The following CELF2 variants were observed in gnomAD, a reference collection of about 807,000 sequenced individuals.
The protein encoded by CELF2 is CUGBP Elav-like family member 2.
A neutral mutation model predicts 62.6 loss-of-function variants in CELF2; 8 were observed. The ratio of observed to expected loss-of-function variants is 0.13; its 90% CI spans 0.07 to 0.23. The LOEUF is 0.23. CELF2 is among the 10% of genes least tolerant of loss of function. The pLI is 1.00. For missense variants in CELF2, 333 were observed against 671.0 expected, an observed-to-expected ratio of 0.50 and a Z score of 5.56; for synonymous variants, 258 against 250.0, an observed-to-expected ratio of 1.03 and a Z score of -0.30.
intron 1 of CELF2, among the ~76,000 whole-genome samples, chr10:10,870,580 T>C (rs1308193155): frequency 6.6e-6 from 1 of 152,208 alleles, no homozygotes; most frequent in African/African-American, 2.4e-5. Flanking sequence ...CTTCTGATTC[T>C]CAACATGAAG....
At chr10:10,831,748 G>T (rs980576497) in intron 1 of CELF2, among the ~76,000 whole-genome samples, 4 of 152,206 alleles carry the variant, frequency 2.6e-5, no homozygotes, top group African/African-American at 7.2e-5. Flanking sequence ...AAGATGGCTG[G>T]ATCACTTGAG....
intron 1 of CELF2, among the ~76,000 whole-genome samples, chr10:11,144,930 C>T (rs918148823): frequency 2.0e-5 from 3 of 150,406 alleles, no homozygotes; most frequent in Non-Finnish European, 4.4e-5. Flanking sequence ...AAAAGGCACC[C>T]CTCGCCAAGC....
Position 11,333,226 on chromosome 10 carries a change from T to TC in CELF2, c.*4173_*4174insC, listed in dbSNP as rs2096062132. On this transcript the variant is annotated 3_prime_UTR_variant, in exon 13 of 13. Coordinates refer to ENST00000633077, the MANE Select transcript of CELF2 (RefSeq NM_001326342.2). ...GAGGACATGAGGGGGAAAGTCCTTT[T>TC]TGCCCTTCTCCAAAAAATAACCTTC... The TC allele has an allele frequency of 6.6e-6, 1 of 151,126 alleles. No homozygotes were observed. 9.4% of individuals were successfully genotyped at this position (151,126 alleles called of 1,614,324 possible). A position where few individuals can be genotyped will look rare whatever the true frequency, so the allele number is the denominator to read the frequency against.
the CELF2 span, among the ~76,000 whole-genome samples, chr10:10,693,889 C>G: frequency 0.012 from 1,739 of 149,720 alleles, 16 homozygotes; most frequent in African/African-American, 0.025. Context: ...GCGTCTATTT[C>G]ATTCTTCTCT....
chr10:11,132,736 A>G (rs959219410), intron 1 of CELF2, among the ~76,000 whole-genome samples: 1 of 152,218 alleles, frequency 6.6e-6, no homozygotes, highest in Non-Finnish European at 1.5e-5. Flanking sequence ...AAAAAGTGAC[A>G]CAGTGTTACA....
the CELF2 span, among the ~76,000 whole-genome samples, chr10:10,662,559 G>A: frequency 6.6e-6 from 1 of 152,188 alleles, no homozygotes; most frequent in African/African-American, 2.4e-5. Flanking sequence ...GTAGGCAGAT[G>A]AGGAAGCACG....
intron 1 of CELF2, among the ~76,000 whole-genome samples, chr10:10,831,544 A>G (rs1240969089): frequency 3.3e-5 from 5 of 152,232 alleles, no homozygotes; most frequent in Non-Finnish European, 4.4e-5. Context: ...TGAGACAGCC[A>G]TCATTCCACT....
chr10:11,326,194 C>T (rs78932002), intron 12 of CELF2, among the ~76,000 whole-genome samples: 2 of 152,236 alleles, frequency 1.3e-5, no homozygotes, highest in Non-Finnish European at 2.9e-5. Context: ...TTCTATACTA[C>T]ACTATTAAGG....
At position 11,246,110 on chromosome 10, in the gene CELF2, G is replaced by A. The variant is rs561148725; in HGVS notation, c.355-3043G>A. The stretch of plus-strand genomic sequence containing the variant: ...CGAATTTCCACCTGCCATCATCCAC[G>A]CATTTCACAGATGCATCTGAATGCT... On this transcript the variant is annotated intron_variant, in intron 3 of 12. Transcript: ENST00000633077. This position sits in a 1 kb window ranked among gnomAD's most constrained non-coding sequence, Gnocchi z 4.6. 5.3e-5 allele frequency among the ~76,000 whole-genome samples: 8 copies of A among 152,020 alleles called. No individual in the cohort carries two copies. Among genetic ancestry groups the A allele is most frequent in the East Asian group, 1.9e-4 (1 of 5,180 alleles).
rs1005028154 is a variant in CELF2 at position 11,224,617 on chromosome 10, T to G, written c.354+7110T>G. On this transcript the variant is annotated intron_variant, in intron 3 of 12. Transcript: ENST00000633077. This position sits in a 1 kb window ranked among gnomAD's most constrained non-coding sequence, Gnocchi z 4.5. ...TAATCAAATGATGAAAGGAGAAGTT[T>G]GATATACACCTAGAAAATTGTCCAA... Among the ~76,000 whole-genome samples the G allele has an allele frequency of 6.6e-6, 1 of 152,168 alleles. No individual in the cohort carries two copies. Among genetic ancestry groups the G allele is most frequent in the Non-Finnish European group, 1.5e-5 (1 of 68,028 alleles).
chr10:11,289,904 A>G (rs551695256), intron 9 of CELF2, among the ~76,000 whole-genome samples: 1 of 152,346 alleles, frequency 6.6e-6, no homozygotes, highest in East Asian at 1.9e-4. Flanking sequence ...CATGAAAATT[A>G]GACCCTCCCA....
At chr10:10,693,954 A>T in the CELF2 span, among the ~76,000 whole-genome samples, 1 of 151,888 alleles carries the variant, frequency 6.6e-6, no homozygotes, top group Non-Finnish European at 1.5e-5. Flanking sequence ...GATCCTTTCA[A>T]AAAACCAGCT....
chr10:10,670,444 C>T, the CELF2 span, among the ~76,000 whole-genome samples: 1 of 151,964 alleles, frequency 6.6e-6, no homozygotes, highest in Admixed American at 6.5e-5. Flanking sequence ...ATTTTTAGAC[C>T]AGTTTTAGAT....
intron 2 of CELF2, among the ~76,000 whole-genome samples, chr10:11,209,531 G>A (rs1187110231): frequency 6.7e-5 from 10 of 148,928 alleles, no homozygotes; most frequent in Non-Finnish European, 8.9e-5. Flanking sequence ...GATGCTAGGG[G>A]TATAAATCAC....
chr10:10,501,057 T>C, the CELF2 span, among the ~76,000 whole-genome samples: 18 of 152,356 alleles, frequency 1.2e-4, no homozygotes, highest in Non-Finnish European at 2.4e-4. Flanking sequence ...GGGTTGGGGC[T>C]ATGATGAATT....
intron 1 of CELF2, among the ~76,000 whole-genome samples, chr10:11,068,080 A>G (rs1241911093): frequency 1.3e-5 from 2 of 152,214 alleles, no homozygotes; most frequent in Non-Finnish European, 2.9e-5. Flanking sequence ...GTTATTTCAC[A>G]TAGTGTGGAG....
the CELF2 span, among the ~76,000 whole-genome samples, chr10:10,687,437 C>T: frequency 5.3e-5 from 8 of 151,936 alleles, no homozygotes; most frequent in Non-Finnish European, 7.4e-5. Flanking sequence ...AAATTTTAAC[C>T]AAAAGTCATT....
In CELF2 at chr10:11,209,740, G is replaced by A. The variant is rs934651052; in HGVS notation, c.272-7685G>A. Among the ~76,000 whole-genome samples the A allele has an allele frequency of 4.6e-5, 7 of 151,142 alleles. No individual in the cohort carries two copies. The South Asian group carries it at 6.3e-4, about 14-fold the overall frequency. On this transcript the variant is annotated intron_variant, in intron 2 of 12. Coordinates refer to ENST00000633077, the MANE Select transcript of CELF2 (RefSeq NM_001326342.2). ...TGAAACCGTAGTGCATGGCAGATTC[G>A]CTTGAGCACAAAATGCCCCACTTAG... is the stretch of plus-strand genomic sequence containing the variant.
the CELF2 span, among the ~76,000 whole-genome samples, chr10:10,616,922 A>C: frequency 6.6e-6 from 1 of 151,746 alleles, no homozygotes; most frequent in East Asian, 1.9e-4. Flanking sequence ...ACGCCCAGCT[A>C]ATTTATTTAT....
Sources: allele counts gnomAD v4.1 joint callset (sites outside exome capture counted in the v4.1 genomes callset), GRCh38; gene constraint gnomAD v4.1.1; non-coding constraint Gnocchi (gnomAD v3.1); transcripts MANE v1.5; gene names NCBI Gene and HGNC (gene_info 2026-07-23, HGNC 2026-07-21).